NOMO3: variants seen among roughly 807,000 people sequenced by gnomAD.
NOMO3 encodes the protein NODAL modulator 3, also known as BOS complex subunit NOMO3.
In NOMO3, 15 loss-of-function variants were observed where a neutral mutation model predicts 69.9. That is an observed-to-expected ratio of 0.21 (90% CI 0.14 to 0.33). NOMO3 has a LOEUF of 0.33. Ranked by LOEUF, NOMO3 falls within the 10% of genes least tolerant of loss-of-function variation. The pLI is 1.00. For synonymous variants in NOMO3, 89 were observed against 301.9 expected (o/e 0.29, Z 7.31); for missense variants, 218 against 761.0 (o/e 0.29, Z 8.39).
At chr16:16,240,229 CT>C (rs1360171607) in intron 3 of NOMO3, among the ~76,000 whole-genome samples, 1 of 144,496 alleles carries the variant, frequency 6.9e-6, no homozygotes, top group African/African-American at 2.8e-5. Flanking sequence ...AGGATGGCTT[CT>C]TTTTTAGCCC....
intron 16 of NOMO3, among the ~76,000 whole-genome samples, chr16:16,268,188 A>G (rs1596815358): frequency 6.9e-6 from 1 of 143,926 alleles, no homozygotes; most frequent in Admixed American, 6.7e-5. Flanking sequence ...TGTTATGACT[A>G]ATGTTACGGA....
Position 16,263,215 on chromosome 16 carries a change from G to C in NOMO3, c.1537G>C (p.Asp513His). Residue 513 changes from aspartate to histidine, a missense_variant and splice_region_variant, in exon 13 of 31, where the codon GAC becomes CAC. By Grantham distance (81) the Asp-to-His change is moderately conservative (BLOSUM62 -1). Transcript: ENST00000399336. ...AGTTTCTGGGAAAGTCTCTTGTTTG[G>C]GTAAGATATCACTGGAAAGTAAGAA... ...ASVSGKVSCL[D>H]TCGDLLVTLQ... The C allele has an allele frequency of 6.3e-7, 1 of 1,593,746 alleles. No individual in the cohort carries two copies. The highest frequency in any genetic ancestry group is 8.5e-7 in the Non-Finnish European group (1 of 1,177,082).
Position 16,258,092 on chromosome 16 carries a change from G to T in NOMO3, c.1220+1934G>T, listed in dbSNP as rs141770373. Among the ~76,000 whole-genome samples, 443 of 142,404 alleles carry T rather than the reference G, an allele frequency of 3.1e-3. 98 individuals are homozygous for T. The highest frequency in any genetic ancestry group is 0.012 in the African/African-American group (431 of 34,748). The allele number at this position is 142,404 out of a possible 152,430, so 93.4% of individuals were successfully genotyped here. A position where few individuals can be genotyped will look rare whatever the true frequency, so the allele number is the denominator to read the frequency against. ...GCACTTTGGGAGGCAGAGGTGGGCGGATCGCTTGAGCCCAGGAGTTTGAGA... is the reference window on the plus strand; with the variant it reads ...GCACTTTGGGAGGCAGAGGTGGGCGTATCGCTTGAGCCCAGGAGTTTGAGA... On this transcript the variant is annotated intron_variant, in intron 11 of 30. Transcript: ENST00000399336.
chr16:16,261,670 A>C lies in NOMO3; in HGVS notation c.1389A>C (p.Lys463Asn). The C allele has an allele frequency of 6.3e-7, 1 of 1,579,640 alleles. No individual in the cohort carries two copies. The highest frequency in any genetic ancestry group is 1.1e-5 in the South Asian group (1 of 87,890). Residue 463 changes from lysine (K) to asparagine (N), a missense_variant, in exon 12 of 31, where the codon AAA (lysine) becomes AAC (asparagine). Coordinates refer to ENST00000399336, the MANE Select transcript of NOMO3 (RefSeq NM_001004067.4). Reference protein sequence around the residue: ...FCFKANPGTYKVQVMVPEAET... With the variant: ...FCFKANPGTYNVQVMVPEAET... ...TTAAAGCAAACCCAGGGACTTACAA[A>C]GTGCAGGTGCGATGCATTGTTTTAA...
At chr16:16,269,277 C>A (rs576041138) in intron 16 of NOMO3, among the ~76,000 whole-genome samples, 1 of 141,570 alleles carries the variant, frequency 7.1e-6, no homozygotes, top group South Asian at 2.2e-4. Context: ...AATGCTCCCC[C>A]TCTCTGTGGA....
chr16:16,234,769 C>T (rs2049312797), intron 1 of NOMO3, among the ~76,000 whole-genome samples: 2 of 150,360 alleles, frequency 1.3e-5, no homozygotes, highest in African/African-American at 4.9e-5. Flanking sequence ...AGACAAAACT[C>T]CATACTCTCA....
intron 16 of NOMO3, among the ~76,000 whole-genome samples, chr16:16,268,214 C>T (rs1029392555): frequency 6.9e-6 from 1 of 144,514 alleles, no homozygotes; most frequent in Non-Finnish European, 1.5e-5. Flanking sequence ...TTATACAAGT[C>T]TTTGTGTCCG....
At position 16,232,654 on chromosome 16, in the gene NOMO3, G is replaced by A. The variant is rs1295672036; in HGVS notation, c.-13G>A. ...GGCTGCCGGCGGTGGGTCTAGCTGGGGGAGGTCGGGCCATGCTGGTGGGCC... is the reference window on the plus strand; with the variant it reads ...GGCTGCCGGCGGTGGGTCTAGCTGGAGGAGGTCGGGCCATGCTGGTGGGCC... On this transcript the variant is annotated 5_prime_UTR_variant, in exon 1 of 31. Coordinates refer to ENST00000399336, the MANE Select transcript of NOMO3 (RefSeq NM_001004067.4). The A allele has an allele frequency of 4.6e-6, 3 of 650,988 alleles. No individual in the cohort carries two copies. Among genetic ancestry groups the A allele is most frequent in the Middle Eastern group, 4.9e-4 (1 of 2,030 alleles). 40.3% of individuals were successfully genotyped at this position (650,988 alleles called of 1,614,324 possible).
At position 16,263,090 on chromosome 16, in the gene NOMO3, C is replaced by T; in HGVS notation, c.1412C>T (p.Ala471Val). The change falls in exon 13 of 31, where the codon GCA becomes GTA. Residue 471 changes from alanine to valine, a missense_variant. Physicochemically the swap from Ala to Val is moderately conservative, Grantham distance 64. Transcript: ENST00000399336. ...TTTCCGCAGGTGATGGTTCCTGAGG[C>T]AGAAACCAGAGCAGGGCTGACGTTG... Reference protein sequence around the residue: ...TYKVQVMVPEAETRAGLTLKP... With the variant: ...TYKVQVMVPEVETRAGLTLKP... The T allele has an allele frequency of 6.3e-7, 1 of 1,595,466 alleles. No homozygotes were observed.
chr16:16,240,168 G>A (rs1352886072), intron 3 of NOMO3, among the ~76,000 whole-genome samples: 1 of 144,270 alleles, frequency 6.9e-6, no homozygotes, highest in Non-Finnish European at 1.5e-5. Context: ...CACTCATTAC[G>A]TGGCCGTGGA....
intron 15 of NOMO3, among the ~76,000 whole-genome samples, chr16:16,265,637 G>T (rs1419044275): frequency 3.1e-4 from 13 of 42,370 alleles, no homozygotes; most frequent in Admixed American, 4.1e-4. Flanking sequence ...GAGTTTCTCT[G>T]ATATATATAT....
intron 6 of NOMO3, among the ~76,000 whole-genome samples, chr16:16,249,425 G>A (rs1360279565): frequency 7.1e-6 from 1 of 140,412 alleles, no homozygotes; most frequent in Non-Finnish European, 1.5e-5. Context: ...ACTAAAAATA[G>A]AAAAAAATTA....
chr16:16,255,610 G>A (rs1172775278), intron 9 of NOMO3, 110 bp from the exon 10 acceptor site: 1 of 667,402 alleles, frequency 1.5e-6, no homozygotes, highest in African/African-American at 2.3e-5. Flanking sequence ...AGTGTTGGGA[G>A]GTGGGCGGCA....
In NOMO3 at chr16:16,261,677, G is replaced by C. The variant is rs2049567779; in HGVS notation, c.1395+1G>C. 6.4e-7 allele frequency: 1 copy of C among 1,570,770 alleles called. No individual in the cohort carries two copies. Among genetic ancestry groups the C allele is most frequent in the African/African-American group, 1.6e-5 (1 of 61,784 alleles). On this transcript the variant is annotated splice_donor_variant, in intron 12 of 30. Transcript: ENST00000399336. LOFTEE classifies it high-confidence loss of function. ...AAACCCAGGGACTTACAAAGTGCAG[G>C]TGCGATGCATTGTTTTAAATTTAAA...
intron 15 of NOMO3, among the ~76,000 whole-genome samples, chr16:16,265,536 A>C (rs1254923903): frequency 7.5e-6 from 1 of 132,914 alleles, no homozygotes; most frequent in Admixed American, 7.4e-5. Flanking sequence ...TTGAGATCTT[A>C]ATACCTACTT....
chr16:16,244,151 T>G (rs2049397379), intron 4 of NOMO3, among the ~76,000 whole-genome samples: 1 of 142,118 alleles, frequency 7.0e-6, no homozygotes, highest in Non-Finnish European at 1.5e-5. Context: ...CTTCCTGTCC[T>G]TCTCTTCATG....
intron 13 of NOMO3, 129 bp from the exon 14 acceptor site, chr16:16,263,384 C>A (rs755821330): frequency 3.8e-6 from 6 of 1,558,498 alleles, no homozygotes; most frequent in Non-Finnish European, 5.2e-6. Context: ...AGAAGCGCTC[C>A]GTCTGCCTCC....
rs555042568 is a variant in NOMO3 at position 16,256,076 on chromosome 16, C to T, written c.1138C>T (p.Gln380Ter). Residue 380 changes from glutamine (Q) to a stop codon, truncating the protein, a stop_gained, in exon 11 of 31, where the codon CAG (glutamine) becomes TAG (stop). Transcript: ENST00000399336. LOFTEE classifies it high-confidence loss of function. ...ITTGTYTIHA[Q>*]KEHLYFETVT... is the part of the protein sequence containing the mutation. ...CACAGGGACATACACCATCCATGCT[C>T]AGAAAGAGCACCTCTACTTTGAAAC... The T allele has an allele frequency of 1.3e-6, 2 of 1,585,418 alleles. No homozygotes were observed. Among genetic ancestry groups the T allele is most frequent in the Admixed American group, 1.7e-5 (1 of 58,512 alleles).
chr16:16,266,234 A>G (rs1299390196), intron 15 of NOMO3, among the ~76,000 whole-genome samples: 1 of 135,292 alleles, frequency 7.4e-6, no homozygotes, highest in Admixed American at 7.2e-5. Context: ...TCATGTGCCA[A>G]CTTACTCCCC....
Sources: allele counts gnomAD v4.1 joint callset (sites outside exome capture counted in the v4.1 genomes callset), GRCh38; gene constraint gnomAD v4.1.1; transcripts MANE v1.5; gene names NCBI Gene and HGNC (gene_info 2026-07-23, HGNC 2026-07-21).